DENND4C: variants seen among roughly 807,000 people sequenced by gnomAD.
The protein encoded by DENND4C is DENN domain-containing protein 4C.
In DENND4C, 108 loss-of-function variants were observed where a neutral mutation model predicts 203.0. That is an observed-to-expected ratio of 0.53 (90% confidence interval 0.46 to 0.62). The LOEUF (loss-of-function observed/expected upper bound fraction) is 0.62. Among genes scored for constraint, DENND4C ranks in the 20% least tolerant of loss-of-function variants. The pLI, the probability that DENND4C is intolerant of heterozygous loss-of-function variation, is 0.00. For missense variants in DENND4C, 2,481 were observed against 2,301.2 expected (o/e 1.08, Z -1.60); for synonymous variants, 871 against 792.4 (o/e 1.10, Z -1.67).
chr9:19,315,835 A>G (rs1001555973), intron 10 of DENND4C, among the ~76,000 whole-genome samples: 3 of 151,876 alleles, frequency 2.0e-5, no homozygotes, highest in African/African-American at 7.3e-5. Flanking sequence ...CCTCCTGAGT[A>G]GCTGGGACTA....
rs375239332 is a variant in DENND4C at position 19,352,645 on chromosome 9, A to G, written c.4761A>G (p.Lys1587=). 5.6e-6 allele frequency: 9 copies of G among 1,606,658 alleles called. No homozygotes were observed. The African/African-American group carries it at 8.0e-5, about 14-fold the overall frequency. The change falls in exon 26 of 33, where the codon AAA becomes AAG. Residue 1587 remains lysine, a synonymous_variant. Transcript: ENST00000434457. ...NFLPLLNIEF[K]DLRGSASFFL... is the part of the protein sequence containing the mutation. ...TGCCTCTTCTCAATATAGAATTCAA[A>G]GATTTGAGAGGTTCTGCAAGGTTAG...
chr9:19,311,158 C>T (rs1252526744), intron 10 of DENND4C, among the ~76,000 whole-genome samples: 2 of 152,070 alleles, frequency 1.3e-5, no homozygotes, highest in African/African-American at 2.4e-5. Context: ...CTTGCTCTGT[C>T]TCCCACGCTG....
At chr9:19,336,063 G>A (rs1042480364) in intron 18 of DENND4C, among the ~76,000 whole-genome samples, 6 of 151,812 alleles carry the variant, frequency 4.0e-5, no homozygotes, top group African/African-American at 1.5e-4. Flanking sequence ...TAACAAGTAT[G>A]AGGTGATAAG....
At chr9:19,287,934 G>T (rs773188197) in intron 3 of DENND4C, among the ~76,000 whole-genome samples, 1 of 152,064 alleles carries the variant, frequency 6.6e-6, no homozygotes, top group East Asian at 1.9e-4. Context: ...GTTTCACCAT[G>T]TTGGTTGGCC....
At chr9:19,298,879 T>C (rs1837985077) in intron 7 of DENND4C, among the ~76,000 whole-genome samples, 1 of 152,148 alleles carries the variant, frequency 6.6e-6, no homozygotes, top group Admixed American at 6.5e-5. Flanking sequence ...AGTATTTACG[T>C]GCCAAGCAAC....
At chr9:19,273,880 A>G (rs1468364707) in intron 1 of DENND4C, among the ~76,000 whole-genome samples, 1 of 151,942 alleles carries the variant, frequency 6.6e-6, no homozygotes, top group Non-Finnish European at 1.5e-5. Context: ...AACTATATAC[A>G]CCTAATCCAG....
At chr9:19,324,628 T>A in intron 13 of DENND4C, 121 bp downstream of exon 13, 3 of 1,016,580 alleles carry the variant, frequency 3.0e-6, no homozygotes, top group Non-Finnish European at 4.3e-6. Context: ...TGTATGTGTG[T>A]GTATGTGTTA....
At chr9:19,345,363 T>G (rs1000405745) in intron 22 of DENND4C, among the ~76,000 whole-genome samples, 1 of 152,222 alleles carries the variant, frequency 6.6e-6, no homozygotes, top group Admixed American at 6.5e-5. Flanking sequence ...TGGCTACTAG[T>G]AGACGTTTAG....
chr9:19,317,651 T>G (rs554478018), intron 12 of DENND4C, among the ~76,000 whole-genome samples: 5 of 152,334 alleles, frequency 3.3e-5, no homozygotes, highest in African/African-American at 1.2e-4. Flanking sequence ...ACTTAAATAT[T>G]TAGTTACTAC....
chr9:19,336,600 CTA>C, intron 19 of DENND4C, 84 bp from the exon 20 acceptor site: 1 of 1,453,902 alleles, frequency 6.9e-7, no homozygotes, highest in Non-Finnish European at 9.1e-7. Context: ...TGTTCTGCAA[CTA>C]TAAATGAACT....
intron 1 of DENND4C, among the ~76,000 whole-genome samples, 178 bp downstream of exon 1, chr9:19,231,011 C>T (rs1391785902): frequency 6.6e-6 from 1 of 152,220 alleles, no homozygotes; most frequent in Non-Finnish European, 1.5e-5. Flanking sequence ...CGTTCGTGGC[C>T]TAGTTTCTCC....
rs986955073 is a variant in DENND4C at position 19,316,900 on chromosome 9, T to A, written c.1807+61T>A. On this transcript the variant is annotated intron_variant, in intron 12 of 32. Coordinates refer to ENST00000434457, the MANE Select transcript of DENND4C (RefSeq NM_001330640.2). ...GGTGAAAAATATTTTATATTTGATG[T>A]TGCTGCCAAGAAATACTTATTGTAT... 1.9e-5 allele frequency: 26 copies of A among 1,398,164 alleles called. No homozygotes were observed. The Admixed American group carries it at 5.2e-4, about 28-fold the overall frequency. 86.6% of individuals were successfully genotyped at this position (1,398,164 alleles called of 1,614,324 possible).
At position 19,276,407 on chromosome 9, in the gene DENND4C, G is replaced by A; in HGVS notation, c.233G>A (p.Gly78Glu). 1.6e-6 allele frequency: 2 copies of A among 1,232,092 alleles called. No homozygotes were observed. The highest frequency in any genetic ancestry group is 2.0e-6 in the Non-Finnish European group (2 of 987,930). 76.3% of individuals were successfully genotyped at this position (1,232,092 alleles called of 1,614,324 possible). A position where few individuals can be genotyped will look rare whatever the true frequency, so the allele number is the denominator to read the frequency against. Residue 78 changes from glycine to glutamate, a missense_variant, in exon 2 of 33, where the codon GGA (glycine) becomes GAA (glutamate). Physicochemically the swap from Gly to Glu is moderately conservative, Grantham distance 98. Coordinates refer to ENST00000434457, the MANE Select transcript of DENND4C (RefSeq NM_001330640.2). ...PSALQANLNY[G>E]SLKSPELFLC... ...GCTCTCCAAGCAAACTTGAACTATG[G>A]AAGTCTGAAAAGCCCAGAACTTTTC...
chr9:19,295,469 T>A (rs10118101), intron 5 of DENND4C, among the ~76,000 whole-genome samples: 1 of 151,162 alleles, frequency 6.6e-6, no homozygotes, highest in Non-Finnish European at 1.5e-5. Flanking sequence ...CGTGCCACTG[T>A]ACTCCAGCCT....
intron 1 of DENND4C, among the ~76,000 whole-genome samples, chr9:19,234,768 C>CT (rs1391950834): frequency 2.0e-4 from 30 of 151,832 alleles, no homozygotes; most frequent in African/African-American, 4.8e-4. Context: ...GTCTTGAACT[C>CT]TAAGTTCAAG....
chr9:19,356,978 C>G lies in DENND4C; in HGVS notation c.4788C>G (p.Phe1596Leu). The G allele has an allele frequency of 6.2e-7, 1 of 1,612,836 alleles. No homozygotes were observed. The highest frequency in any genetic ancestry group is 8.5e-7 in the Non-Finnish European group (1 of 1,179,502). Reference sequence around the variant, plus strand: ...CCCCCTTTTCCTTATGTAGCTTTTTCCTGAAACCAAGTACCTCTGGTGACA... The same window carrying G: ...CCCCCTTTTCCTTATGTAGCTTTTTGCTGAAACCAAGTACCTCTGGTGACA... The part of the protein sequence containing the change: ...FKDLRGSASF[F>L]LKPSTSGDSL... Residue 1596 changes from phenylalanine to leucine, a missense_variant, in exon 27 of 33, where the codon TTC becomes TTG. Transcript: ENST00000434457.
At chr9:19,355,177 CGGG>C (rs1563836389) in intron 26 of DENND4C, among the ~76,000 whole-genome samples, 1 of 151,678 alleles carries the variant, frequency 6.6e-6, no homozygotes, top group Non-Finnish European at 1.5e-5. Context: ...CCCAAAGTGC[CGGG>C]ATTACAGGCG....
chr9:19,363,765 C>T (rs370713935), intron 30 of DENND4C, among the ~76,000 whole-genome samples: 1 of 151,988 alleles, frequency 6.6e-6, no homozygotes, highest in Admixed American at 6.6e-5. Flanking sequence ...AATCCCAGCA[C>T]TTTGGGAGAT....
In DENND4C at chr9:19,336,717, G is replaced by C. The variant is rs1319800245; in HGVS notation, c.2766G>C (p.Gly922=). Residue 922 remains glycine, a synonymous_variant, in exon 20 of 33, where the codon GGG becomes GGC. Transcript: ENST00000434457. The part of the protein sequence containing the change: ...ALQNVTGGSD[G]DTVSHGSVDS... ...AAAATGTCACAGGTGGAAGTGATGG[G>C]GACACGGTGAGCCACGGTAGTGTGG... is the stretch of plus-strand genomic sequence containing the variant. 7 of 1,551,014 alleles carry C rather than the reference G, an allele frequency of 4.5e-6. No homozygotes were observed. The South Asian group carries it at 7.1e-5, about 16-fold the overall frequency.
Sources: gnomAD v4.1 joint callset for allele counts (sites outside exome capture counted in the v4.1 genomes callset) on GRCh38, gnomAD v4.1.1 for gene constraint, MANE v1.5 for transcripts, NCBI Gene and HGNC (gene_info 2026-07-23, HGNC 2026-07-21) for gene names.